Variants in COL27A1 observed in about 807,000 individuals in gnomAD.
COL27A1 encodes the protein collagen alpha-1(XXVII) chain.
A neutral mutation model predicts 251.3 loss-of-function variants in COL27A1; 106 were observed. That is an observed-to-expected ratio of 0.42 (90% CI 0.36 to 0.50). The LOEUF (loss-of-function observed/expected upper bound fraction) is 0.50. Among genes scored for constraint, COL27A1 ranks in the 20% least tolerant of loss-of-function variants. The pLI, the probability that COL27A1 is intolerant of heterozygous loss-of-function variation, is 0.00. For missense variants in COL27A1, 2,325 were observed against 2,522.8 expected, an observed-to-expected ratio of 0.92 and a Z score of 1.68; for synonymous variants, 1,000 against 986.3, an observed-to-expected ratio of 1.01 and a Z score of -0.26.
At chr9:114,227,197 C>T (rs551437766) in intron 14 of COL27A1, among the ~76,000 whole-genome samples, 17 of 152,152 alleles carry the variant, frequency 1.1e-4, no homozygotes, top group South Asian at 1.0e-3. Flanking sequence ...CATTAGCCTC[C>T]GGAGGTCCAC....
At chr9:114,282,647 T>G in intron 39 of COL27A1, 83 bp downstream of exon 39, 2 of 881,588 alleles carry the variant, frequency 2.3e-6, no homozygotes, top group Non-Finnish European at 3.4e-6. Flanking sequence ...CAGGCTTCTC[T>G]GTGCTGTTAT....
intron 17 of COL27A1, among the ~76,000 whole-genome samples, chr9:114,236,275 G>A (rs1221355193): frequency 3.9e-5 from 6 of 152,124 alleles, no homozygotes. Context: ...CTGATTTTGG[G>A]GGACTTGTAC....
chr9:114,188,930 A>T (rs895888483), intron 5 of COL27A1, among the ~76,000 whole-genome samples: 2 of 152,200 alleles, frequency 1.3e-5, no homozygotes, highest in African/African-American at 4.8e-5. Context: ...ATTGGTTTGT[A>T]AACATTATTT....
intron 49 of COL27A1, among the ~76,000 whole-genome samples, chr9:114,296,088 AC>A (rs1248676242): frequency 1.3e-5 from 2 of 151,838 alleles, no homozygotes; most frequent in African/African-American, 4.8e-5. Flanking sequence ...TAAATGTAAA[AC>A]TGAAAATTAA....
intron 56 of COL27A1, among the ~76,000 whole-genome samples, chr9:114,303,022 A>C (rs535249010): frequency 1.2e-4 from 18 of 152,084 alleles, no homozygotes; most frequent in East Asian, 1.9e-4. Context: ...CCTCTGCACC[A>C]TCCTCAAAGA....
intron 5 of COL27A1, among the ~76,000 whole-genome samples, chr9:114,189,854 C>A (rs1828626141): frequency 6.6e-6 from 1 of 152,058 alleles, no homozygotes; most frequent in Non-Finnish European, 1.5e-5. Flanking sequence ...AATTTATAAC[C>A]ATCCCCTTAC....
Position 114,222,253 on chromosome 9 carries a change from G to A in COL27A1, c.2452G>A (p.Val818Ile). ...ACTGGGCCTGCCAGGCCCCCCTGGAGTCCCCGGCCTCATTGTAAGTACATT... is the reference window on the plus strand; with the variant it reads ...ACTGGGCCTGCCAGGCCCCCCTGGAATCCCCGGCCTCATTGTAAGTACATT... ...GELGLPGPPG[V>I]PGLIGDLGVL... is the part of the protein sequence containing the mutation. Residue 818 changes from valine to isoleucine, a missense_variant, in exon 14 of 61, where the codon GTC becomes ATC. By Grantham distance (29) the Val-to-Ile change is conservative. This residue lies in a region of COL27A1 where 1,183 missense variants were observed against 1,144.1 expected (regional missense o/e 1.03). Coordinates refer to ENST00000356083, the MANE Select transcript of COL27A1 (RefSeq NM_032888.4). 2 of 1,613,588 alleles carry A rather than the reference G, an allele frequency of 1.2e-6. No homozygotes were observed. Among genetic ancestry groups the A allele is most frequent in the East Asian group, 2.2e-5 (1 of 44,888 alleles).
chr9:114,304,775 G>A (rs899810817), intron 57 of COL27A1, 102 bp downstream of exon 57: 1 of 964,948 alleles, frequency 1.0e-6, no homozygotes, highest in Non-Finnish European at 1.6e-6. Context: ...CCTGCATGGA[G>A]CATTTCAGAG....
In COL27A1 at chr9:114,237,728, C is replaced by T. The variant is rs1366783588; in HGVS notation, c.2727+13C>T. 5.6e-6 allele frequency: 9 copies of T among 1,610,512 alleles called. No individual in the cohort carries two copies. The highest frequency in any genetic ancestry group is 1.3e-5 in the African/African-American group (1 of 74,828). ...CCCTGGACCCGAGGTATGTGATGCCCCATTTCTCCGTGTCTGGCTGCTGCT... is the reference window on the plus strand; with the variant it reads ...CCCTGGACCCGAGGTATGTGATGCCTCATTTCTCCGTGTCTGGCTGCTGCT... On this transcript the variant is annotated intron_variant, in intron 19 of 60. Transcript: ENST00000356083.
intron 41 of COL27A1, among the ~76,000 whole-genome samples, chr9:114,287,313 C>G (rs967492882): frequency 7.2e-5 from 11 of 152,194 alleles, no homozygotes; most frequent in African/African-American, 2.7e-4. Flanking sequence ...GGGTGCCTGG[C>G]TTGAGCCCTG....
rs1588883937 is a variant in COL27A1, at chr9:114,292,105, T to A, written c.4479T>A (p.Gly1493=). 6.4e-7 allele frequency: 1 copy of A among 1,555,342 alleles called. No individual in the cohort carries two copies. The highest frequency in any genetic ancestry group is 1.4e-5 in the African/African-American group (1 of 73,258). The change falls in exon 49 of 61, where the codon GGT becomes GGA. Residue 1493 remains glycine, a splice_region_variant and synonymous_variant. Transcript: ENST00000356083. ...PGAQGPPGFK[G]ESGLPGQLGP... ...AATTTTTTGTGTGTTTCTTTAAGGG[T>A]GAGAGTGGGTTACCCGGACAGCTGG... is the stretch of plus-strand genomic sequence containing the variant.
At position 114,206,307 on chromosome 9, in the gene COL27A1, C is replaced by T; in HGVS notation, c.2268+11C>T. The T allele has an allele frequency of 6.2e-7, 1 of 1,614,040 alleles. No homozygotes were observed. The highest frequency in any genetic ancestry group is 1.1e-5 in the South Asian group (1 of 91,084). ...CCCAAAGGCAGCAGGGTAAGTGGTT[C>T]CTGGCCAGTGCCACATGGGTGGGGT... On this transcript the variant is annotated intron_variant, in intron 10 of 60. Transcript: ENST00000356083.
intron 12 of COL27A1, among the ~76,000 whole-genome samples, chr9:114,219,087 C>T (rs555536648): frequency 1.3e-5 from 2 of 152,222 alleles, no homozygotes; most frequent in East Asian, 1.9e-4. Context: ...GTTCTGTCCC[C>T]GGCCCCCGAA....
chr9:114,154,510 C>A (rs915996617), upstream of COL27A1, among the ~76,000 whole-genome samples: 2 of 151,816 alleles, frequency 1.3e-5, no homozygotes, highest in African/African-American at 4.8e-5. The surrounding 1 kb of genome is among the most constrained non-coding windows in gnomAD (Gnocchi z 5.8). Context: ...TGGGCACTCT[C>A]GGAGAACTGT....
intron 48 of COL27A1, 76 bp from the exon 49 acceptor site, chr9:114,292,027 C>T: frequency 7.7e-7 from 1 of 1,301,458 alleles, no homozygotes; most frequent in Non-Finnish European, 1.1e-6. Flanking sequence ...TCTGGCTCTC[C>T]CAGGCCCCCT....
At chr9:114,265,619 G>A (rs781766200) in intron 32 of COL27A1, 144 bp downstream of exon 32, 76 of 744,434 alleles carry the variant, frequency 1.0e-4, no homozygotes, top group Non-Finnish European at 1.5e-4. Flanking sequence ...GGTTGGTGGC[G>A]AGCACTAAGC....
intron 5 of COL27A1, among the ~76,000 whole-genome samples, chr9:114,187,209 G>C (rs1021243832): frequency 3.3e-5 from 5 of 152,272 alleles, no homozygotes; most frequent in Non-Finnish European, 7.3e-5. Context: ...GGGCACTTGA[G>C]ATCAGAGATG....
chr9:114,193,758 G>A (rs966619549), intron 5 of COL27A1, among the ~76,000 whole-genome samples: 3 of 152,034 alleles, frequency 2.0e-5, no homozygotes, highest in African/African-American at 7.2e-5. Context: ...CCATGAAATG[G>A]ATATCAACAT....
At chr9:114,275,594 G>A (rs1835443175) in intron 36 of COL27A1, 67 bp from the exon 37 acceptor site, 1 of 1,055,842 alleles carries the variant, frequency 9.5e-7, no homozygotes, top group Non-Finnish European at 1.4e-6. Context: ...GAGATTTGGG[G>A]CCTCTGATGC....
Sources: gnomAD v4.1 joint callset for allele counts (sites outside exome capture counted in the v4.1 genomes callset) on GRCh38, gnomAD v4.1.1 for gene constraint, gnomAD v4.1.1 regional missense constraint, Gnocchi (gnomAD v3.1) non-coding constraint, MANE v1.5 for transcripts, NCBI Gene and HGNC (gene_info 2026-07-23, HGNC 2026-07-21) for gene names.